HIBADH: variants seen among roughly 807,000 people sequenced by gnomAD.
The protein encoded by HIBADH is 3-hydroxyisobutyrate dehydrogenase, also known as 3-hydroxyisobutyrate dehydrogenase, mitochondrial.
Under a neutral mutation model 36.1 loss-of-function variants are expected in HIBADH, and 25 were observed. The observed-to-expected ratio is 0.69, with a 90% CI of 0.50 to 0.97. The LOEUF is 0.97. HIBADH is among the 50% of genes least tolerant of loss of function. HIBADH has a pLI of 0.00. For synonymous variants in HIBADH, 160 were observed against 149.5 expected, an observed-to-expected ratio of 1.07 and a Z score of -0.51; for missense variants, 421 against 418.0, an observed-to-expected ratio of 1.01 and a Z score of -0.06.
intron 4 of HIBADH, among the ~76,000 whole-genome samples, chr7:27,602,291 T>C (rs528131115): frequency 6.6e-5 from 10 of 152,276 alleles, no homozygotes; most frequent in African/African-American, 1.9e-4. Context: ...AATTAATCAG[T>C]TGACTTCTAG....
intron 4 of HIBADH, among the ~76,000 whole-genome samples, chr7:27,599,527 AAAAAATTAGCTGGGCGT>A (rs1341692666): frequency 1.3e-5 from 2 of 151,714 alleles, no homozygotes; most frequent in East Asian, 3.9e-4. Context: ...CTAAAAATAC[AAAAAATTAGCTGGGCGT>A]GGTGGCAGGC....
chr7:27,656,974 AG>A (rs1786318664), intron 1 of HIBADH, among the ~76,000 whole-genome samples: 1 of 152,186 alleles, frequency 6.6e-6, no homozygotes, highest in African/African-American at 2.4e-5. Flanking sequence ...CGTAGATCCG[AG>A]GTCAAGTTTC....
intron 2 of HIBADH, among the ~76,000 whole-genome samples, chr7:27,643,425 T>C (rs1785997931): frequency 6.6e-6 from 1 of 152,186 alleles, no homozygotes; most frequent in African/African-American, 2.4e-5. Flanking sequence ...ATACAGTGAT[T>C]AATATGTGCC....
chr7:27,615,004 TAA>T (rs1490637274), intron 4 of HIBADH, among the ~76,000 whole-genome samples: 1 of 152,200 alleles, frequency 6.6e-6, no homozygotes, highest in East Asian at 1.9e-4. Context: ...CGTGTGAATC[TAA>T]AACAGAAATG....
chr7:27,645,465 A>T (rs1350915060), intron 2 of HIBADH, among the ~76,000 whole-genome samples: 2 of 132,904 alleles, frequency 1.5e-5, no homozygotes, highest in Non-Finnish European at 3.1e-5. Flanking sequence ...TGCAACCTCC[A>T]CCTCCTGGGT....
chr7:27,587,140 A>G (rs1241529942), intron 4 of HIBADH, among the ~76,000 whole-genome samples: 1 of 152,102 alleles, frequency 6.6e-6, no homozygotes, highest in Non-Finnish European at 1.5e-5. Flanking sequence ...CCGATCTCAC[A>G]CTGACAGTTC....
chr7:27,637,675 T>C (rs2128295392), intron 2 of HIBADH, among the ~76,000 whole-genome samples: 1 of 152,284 alleles, frequency 6.6e-6, no homozygotes, highest in Non-Finnish European at 1.5e-5. Flanking sequence ...GACATGACGC[T>C]GTATCTAGAA....
intron 2 of HIBADH, among the ~76,000 whole-genome samples, chr7:27,635,172 A>G (rs185093964): frequency 2.3e-3 from 342 of 151,984 alleles, no homozygotes; most frequent in Non-Finnish European, 3.8e-3. Flanking sequence ...CAGACAGATA[A>G]ACAGACATTC....
intron 4 of HIBADH, among the ~76,000 whole-genome samples, chr7:27,612,984 A>T (rs915377569): frequency 1.4e-5 from 2 of 137,966 alleles, no homozygotes; most frequent in African/African-American, 2.7e-5. Flanking sequence ...TTATATATAT[A>T]TTTTATATAT....
chr7:27,658,109 T>A (rs530555806), intron 1 of HIBADH, among the ~76,000 whole-genome samples: 2 of 151,964 alleles, frequency 1.3e-5, no homozygotes, highest in South Asian at 4.1e-4. Flanking sequence ...AAGCTTTTAG[T>A]TAAGGTGAAA....
intron 7 of HIBADH, among the ~76,000 whole-genome samples, chr7:27,529,386 T>A (rs60600655): frequency 0.13 from 19,507 of 152,186 alleles, 1,399 homozygotes; most frequent in African/African-American, 0.18. Context: ...CTAGATGCCA[T>A]TAAGAATATT....
intron 4 of HIBADH, among the ~76,000 whole-genome samples, chr7:27,566,853 A>G (rs1001398733): frequency 6.6e-6 from 1 of 152,138 alleles, no homozygotes; most frequent in African/African-American, 2.4e-5. Context: ...AAATCTCCAT[A>G]TATATGTTAC....
intron 6 of HIBADH, among the ~76,000 whole-genome samples, chr7:27,535,755 CTT>C (rs201314026): frequency 6.9e-6 from 1 of 145,364 alleles, no homozygotes; most frequent in African/African-American, 2.5e-5. Context: ...TTACTCTTTA[CTT>C]TTTTTTTTTA....
chr7:27,622,135 T>C (rs12700824), intron 4 of HIBADH, among the ~76,000 whole-genome samples: 120,756 of 152,096 alleles, frequency 0.79, 48,335 homozygotes, highest in East Asian at 0.97. Context: ...GTCCCAGCTA[T>C]TCGAGAGCCT....
intron 4 of HIBADH, among the ~76,000 whole-genome samples, chr7:27,567,900 T>C (rs1047732368): frequency 1.3e-5 from 2 of 152,194 alleles, no homozygotes; most frequent in African/African-American, 4.8e-5. Context: ...AAAAGCCATA[T>C]GCATTCAGTA....
In HIBADH at chr7:27,614,785, T is replaced by C. The variant is rs140963357; in HGVS notation, c.484+14586A>G. 3.9e-5 allele frequency among the ~76,000 whole-genome samples: 6 copies of C among 152,358 alleles called. No individual in the cohort carries two copies. The East Asian group carries it at 1.2e-3, about 29-fold the overall frequency. ...AGGTATCACTTTACTTTTCTTTCTC[T>C]GGAGGCTTATTTGATGAAACAGCAC... On this transcript the variant is annotated intron_variant, in intron 4 of 7. Transcript: ENST00000265395.
intron 4 of HIBADH, among the ~76,000 whole-genome samples, chr7:27,549,872 A>G (rs1431545783): frequency 2.0e-5 from 3 of 152,152 alleles, no homozygotes; most frequent in Admixed American, 2.0e-4. Context: ...AATAACCAGT[A>G]ACTGAAAACA....
intron 7 of HIBADH, among the ~76,000 whole-genome samples, chr7:27,527,918 G>GTTTTTTTTTTTTTTTT (rs746260280): frequency 3.2e-5 from 2 of 61,702 alleles, no homozygotes; most frequent in African/African-American, 5.6e-5. Flanking sequence ...CACACCCAGC[G>GTTTTTTTTTTTTTTTT]TTTTTTTTTT....
rs1437107080 is a variant in HIBADH at position 27,542,856 on chromosome 7, C to T, written c.618+111G>A. 7 of 1,189,310 alleles carry T rather than the reference C, an allele frequency of 5.9e-6. No individual in the cohort carries two copies. The African/African-American group carries it at 1.1e-4, about 18-fold the overall frequency. 73.7% of individuals were successfully genotyped at this position (1,189,310 alleles called of 1,614,324 possible). On this transcript the variant is annotated intron_variant, in intron 5 of 7. Coordinates refer to ENST00000265395, the MANE Select transcript of HIBADH (RefSeq NM_152740.4). ...CCAAATAAATGTTTTAAAATCTGAG[C>T]AAAGAATCCATAGGTTGAAGAAAGA...
Sources: gnomAD v4.1 joint callset for allele counts (sites outside exome capture counted in the v4.1 genomes callset) on GRCh38, gnomAD v4.1.1 for gene constraint, MANE v1.5 for transcripts, NCBI Gene and HGNC (gene_info 2026-07-23, HGNC 2026-07-21) for gene names.